The following ROBO1 variants were observed in gnomAD, a reference collection of about 807,000 sequenced individuals.
ROBO1 encodes roundabout homolog 1.
A neutral mutation model predicts 195.9 loss-of-function variants in ROBO1; 149 were observed. That is an observed-to-expected ratio of 0.76 (90% confidence interval 0.67 to 0.87). The LOEUF is 0.87. ROBO1 is among the 40% of genes least tolerant of loss of function. ROBO1 has a pLI of 0.00. For missense variants in ROBO1, 1,933 were observed against 2,068.3 expected (o/e 0.93, Z 1.27); for synonymous variants, 816 against 733.2 (o/e 1.11, Z -1.82).
intron 4 of ROBO1, among the ~76,000 whole-genome samples, chr3:78,827,454 T>TTCATA (rs2031725454): frequency 6.6e-6 from 1 of 152,272 alleles, no homozygotes; most frequent in Middle Eastern, 3.4e-3. Flanking sequence ...CTAATCCAAG[T>TTCATA]TCATATAGCA....
chr3:79,554,505 TG>T (rs1187444055), intron 2 of ROBO1, among the ~76,000 whole-genome samples: 1 of 152,038 alleles, frequency 6.6e-6, no homozygotes, highest in African/African-American at 2.4e-5. Context: ...GTACAGTAGG[TG>T]ATCTCAAGTA....
At chr3:79,553,391 A>C (rs995464901) in intron 2 of ROBO1, among the ~76,000 whole-genome samples, 6 of 152,058 alleles carry the variant, frequency 3.9e-5, no homozygotes, top group African/African-American at 1.2e-4. Context: ...ATTTCACATA[A>C]ATACACAGGA....
intron 2 of ROBO1, among the ~76,000 whole-genome samples, chr3:79,184,486 G>C (rs1408216872): frequency 1.3e-5 from 2 of 152,116 alleles, no homozygotes; most frequent in African/African-American, 4.8e-5. Flanking sequence ...GTGCTTTAGA[G>C]AAGCAAGAAA....
At chr3:79,336,059 C>T (rs1029412372) in intron 2 of ROBO1, among the ~76,000 whole-genome samples, 1 of 152,070 alleles carries the variant, frequency 6.6e-6, no homozygotes, top group Admixed American at 6.6e-5. Context: ...GGGTTTCTGG[C>T]AGAAGAAATT....
intron 3 of ROBO1, among the ~76,000 whole-genome samples, chr3:79,032,546 C>T (rs2078314625): frequency 6.6e-6 from 1 of 151,880 alleles, no homozygotes; most frequent in African/African-American, 2.4e-5. Context: ...CACTTACTAC[C>T]CTTTATGAAA....
intron 4 of ROBO1, among the ~76,000 whole-genome samples, chr3:78,920,037 T>A (rs1205738153): frequency 2.0e-5 from 3 of 152,244 alleles, no homozygotes; most frequent in Non-Finnish European, 4.4e-5. Context: ...TTGTTATCTA[T>A]GATTCAGTGT....
chr3:79,645,946 C>A (rs186371252), intron 1 of ROBO1, among the ~76,000 whole-genome samples: 1 of 152,144 alleles, frequency 6.6e-6, no homozygotes. Flanking sequence ...GTATTAAAGA[C>A]TTAAAGGCAG....
At chr3:78,746,296 A>G (rs2082654937) in intron 5 of ROBO1, among the ~76,000 whole-genome samples, 1 of 152,228 alleles carries the variant, frequency 6.6e-6, no homozygotes, top group Non-Finnish European at 1.5e-5. Flanking sequence ...TTTCAGAAAC[A>G]ATATTGAACA....
intron 3 of ROBO1, among the ~76,000 whole-genome samples, chr3:79,011,992 C>T (rs1449263877): frequency 6.6e-6 from 1 of 152,100 alleles, no homozygotes; most frequent in African/African-American, 2.4e-5. Context: ...TCATGGCTGA[C>T]TGTGGACAAG....
chr3:79,550,227 A>AAAAGG (rs1559984636), intron 2 of ROBO1, among the ~76,000 whole-genome samples: 1 of 132,292 alleles, frequency 7.6e-6, no homozygotes, highest in African/African-American at 2.6e-5. Flanking sequence ...AAAAGAAAAG[A>AAAAGG]AAAGAAAAGA....
chr3:78,713,256 G>A (rs907370542), intron 8 of ROBO1, among the ~76,000 whole-genome samples: 3 of 151,582 alleles, frequency 2.0e-5, no homozygotes, highest in Non-Finnish European at 2.9e-5. Flanking sequence ...GAGACAGGAA[G>A]GAAATATTCT....
rs550062340 is a variant in ROBO1 at position 79,724,933 on chromosome 3, C to T, written c.-51+42819G>A. ...CTGCACTGAAGTGATGGAACCCTAT[C>T]AGTGTCCTTCCTTACCCTTCTTCTT... On this transcript the variant is annotated intron_variant, in intron 1 of 30. Transcript: ENST00000464233. Among the ~76,000 whole-genome samples, 10 of 152,312 alleles carry T rather than the reference C, an allele frequency of 6.6e-5. No homozygotes were observed. The South Asian group carries it at 1.7e-3, about 25-fold the overall frequency.
chr3:78,956,777 G>A (rs1189287760), intron 3 of ROBO1, among the ~76,000 whole-genome samples: 5 of 152,180 alleles, frequency 3.3e-5, no homozygotes, highest in African/African-American at 1.2e-4. Context: ...AGGGAGTCTT[G>A]AAGACACAGC....
chr3:79,444,700 A>G (rs2039179501), intron 2 of ROBO1, among the ~76,000 whole-genome samples: 1 of 152,100 alleles, frequency 6.6e-6, no homozygotes, highest in African/African-American at 2.4e-5. Context: ...TTTTTAAATA[A>G]TGGCGAATCA....
At chr3:79,594,426 A>G (rs777187144) in intron 1 of ROBO1, among the ~76,000 whole-genome samples, 4 of 152,006 alleles carry the variant, frequency 2.6e-5, no homozygotes, top group Non-Finnish European at 4.4e-5. Flanking sequence ...GAAAACTAAC[A>G]CTATATGAGA....
chr3:78,953,544 G>T (rs1050367480), intron 3 of ROBO1, among the ~76,000 whole-genome samples: 1 of 151,838 alleles, frequency 6.6e-6, no homozygotes, highest in Non-Finnish European at 1.5e-5. Flanking sequence ...GTCTACCAAG[G>T]GAGGCAGAAA....
At chr3:79,569,637 G>T (rs1019162114) in intron 2 of ROBO1, among the ~76,000 whole-genome samples, 1 of 144,646 alleles carries the variant, frequency 6.9e-6, no homozygotes, top group Non-Finnish European at 1.5e-5. Context: ...ATGATTATAT[G>T]TATAGATATG....
chr3:79,377,797 C>G (rs917340736), intron 2 of ROBO1, among the ~76,000 whole-genome samples: 5 of 152,186 alleles, frequency 3.3e-5, no homozygotes, highest in Non-Finnish European at 7.3e-5. Flanking sequence ...TTACTGTCCA[C>G]TTAATTTCAT....
At chr3:79,364,308 T>C (rs1253589925) in intron 2 of ROBO1, among the ~76,000 whole-genome samples, 1 of 150,712 alleles carries the variant, frequency 6.6e-6, no homozygotes, top group Non-Finnish European at 1.5e-5. Context: ...ATAAAAATTA[T>C]AGGAAACAGT....
Sources: allele counts gnomAD v4.1 joint callset (sites outside exome capture counted in the v4.1 genomes callset), GRCh38; gene constraint gnomAD v4.1.1; transcripts MANE v1.5; gene names NCBI Gene and HGNC (gene_info 2026-07-23, HGNC 2026-07-21).